Variants in FAM222B observed in about 807,000 individuals in gnomAD.
FAM222B encodes family with sequence similarity 222 member B, also known as protein FAM222B.
A neutral mutation model predicts 38.0 loss-of-function variants in FAM222B; 12 were observed. The observed-to-expected ratio is 0.32, with a 90% confidence interval of 0.20 to 0.51. FAM222B has a LOEUF of 0.51. Ranked by LOEUF, FAM222B falls within the 20% of genes least tolerant of loss-of-function variation. The pLI is 0.97. For synonymous variants in FAM222B, 329 were observed against 317.2 expected (o/e 1.04, Z -0.40); for missense variants, 716 against 754.2 (o/e 0.95, Z 0.59).
chr17:28,794,099 T>TA (rs1202232980), intron 1 of FAM222B, among the ~76,000 whole-genome samples: 19 of 152,022 alleles, frequency 1.2e-4, no homozygotes, highest in Non-Finnish European at 1.5e-5. Flanking sequence ...AGGAAACTGA[T>TA]ACACCCTTAG....
At chr17:28,824,557 G>A (rs1363054128) in intron 1 of FAM222B, among the ~76,000 whole-genome samples, 2 of 152,044 alleles carry the variant, frequency 1.3e-5, no homozygotes, top group African/African-American at 4.8e-5. Context: ...CTCCCTGGTT[G>A]CTCCAGTCAA....
At chr17:28,845,830 G>T (rs1486024702), upstream of FAM222B, among the ~76,000 whole-genome samples, 1 of 151,728 alleles carries the variant, frequency 6.6e-6, no homozygotes, top group Non-Finnish European at 1.5e-5. Flanking sequence ...GGGAGGTGGA[G>T]GTTGTAGTGA....
intron 1 of FAM222B, among the ~76,000 whole-genome samples, chr17:28,839,988 CA>C (rs757301908): frequency 2.3e-4 from 35 of 151,752 alleles, no homozygotes; most frequent in Non-Finnish European, 3.2e-4. Context: ...CATCAATTGC[CA>C]AAACGCCTTG....
chr17:28,815,653 C>A (rs964455154), intron 1 of FAM222B, among the ~76,000 whole-genome samples: 56 of 151,812 alleles, frequency 3.7e-4, no homozygotes, highest in African/African-American at 1.3e-3. Flanking sequence ...ACAGTGAAAC[C>A]CTGTCTCTAC....
At chr17:28,820,487 T>G (rs2038170567) in intron 1 of FAM222B, among the ~76,000 whole-genome samples, 1 of 152,190 alleles carries the variant, frequency 6.6e-6, no homozygotes, top group Non-Finnish European at 1.5e-5. Flanking sequence ...TCAGTGTCTT[T>G]TGTGTGTGAG....
In FAM222B at chr17:28,837,727, A is replaced by T. The variant is rs190590552; in HGVS notation, c.-41+4955T>A. The stretch of plus-strand genomic sequence containing the variant: ...GAGTGCCATGGCATGAGCTCGGCTC[A>T]TTACCACCTCCACCTCCTGGATTCA... On this transcript the variant is annotated intron_variant, in intron 1 of 2. Coordinates refer to ENST00000581407, the MANE Select transcript of FAM222B (RefSeq NM_001077498.3). Among the ~76,000 whole-genome samples the T allele has an allele frequency of 3.3e-5, 5 of 150,840 alleles. No homozygotes were observed. In the East Asian group the frequency reaches 1.0e-3, roughly 30 times the overall value.
chr17:28,839,769 C>T (rs181576028), intron 1 of FAM222B, among the ~76,000 whole-genome samples: 6 of 152,098 alleles, frequency 3.9e-5, no homozygotes, highest in Non-Finnish European at 7.4e-5. Context: ...TCTATTGGGA[C>T]GGTCAAGGAA....
chr17:28,835,668 G>C (rs866943746), intron 1 of FAM222B, among the ~76,000 whole-genome samples: 2 of 151,964 alleles, frequency 1.3e-5, no homozygotes, highest in Non-Finnish European at 2.9e-5. Context: ...ACAGTTTTTT[G>C]TTGTTGTTTT....
chr17:28,840,818 G>T (rs1347341471), intron 1 of FAM222B, among the ~76,000 whole-genome samples: 1 of 151,810 alleles, frequency 6.6e-6, no homozygotes, highest in Non-Finnish European at 1.5e-5. Flanking sequence ...AAAATTAGCC[G>T]GGTATGGTGG....
At chr17:28,840,076 C>T (rs1182830040) in intron 1 of FAM222B, among the ~76,000 whole-genome samples, 1 of 152,120 alleles carries the variant, frequency 6.6e-6, no homozygotes, top group Non-Finnish European at 1.5e-5. Flanking sequence ...TGCATCTCTA[C>T]TTTAGAAACC....
intron 1 of FAM222B, among the ~76,000 whole-genome samples, chr17:28,768,550 G>A (rs2035450268): frequency 6.6e-6 from 1 of 151,626 alleles, no homozygotes; most frequent in African/African-American, 2.4e-5. Flanking sequence ...AAAAAAAAAA[G>A]TCTTGGCCGG....
intron 1 of FAM222B, among the ~76,000 whole-genome samples, chr17:28,792,012 A>G (rs1032168638): frequency 1.3e-5 from 2 of 151,410 alleles, no homozygotes; most frequent in African/African-American, 4.8e-5. Context: ...CCATGTCTAA[A>G]AAAATTAGCC....
chr17:28,831,284 G>A (rs536931233), intron 1 of FAM222B, among the ~76,000 whole-genome samples: 13 of 151,658 alleles, frequency 8.6e-5, no homozygotes, highest in African/African-American at 2.7e-4. Flanking sequence ...ATAAGCCACC[G>A]TGCCCGGCCT....
intron 1 of FAM222B, among the ~76,000 whole-genome samples, chr17:28,793,294 A>C (rs1007061008): frequency 6.6e-6 from 1 of 151,928 alleles, no homozygotes; most frequent in Non-Finnish European, 1.5e-5. Context: ...CACATCCAGA[A>C]CCTCAAGTGT....
chr17:28,758,480 G>C lies in FAM222B; in HGVS notation c.1479C>G (p.Ala493=). 1 of 1,613,228 alleles carries C rather than the reference G, an allele frequency of 6.2e-7. No homozygotes were observed. Among genetic ancestry groups the C allele is most frequent in the Non-Finnish European group, 8.5e-7 (1 of 1,179,782 alleles). ...APLDCAAAPG[A]HYRAGTGGGP... Reference sequence around the variant, plus strand: ...CGCCCCCGGTCCCTGCTCGGTAGTGGGCCCCGGGAGCTGCCGCACAGTCGA... The same window carrying C: ...CGCCCCCGGTCCCTGCTCGGTAGTGCGCCCCGGGAGCTGCCGCACAGTCGA... Residue 493 remains alanine, a synonymous_variant, in exon 3 of 3, where the codon GCC becomes GCG. Coordinates refer to ENST00000581407, the MANE Select transcript of FAM222B (RefSeq NM_001077498.3).
chr17:28,759,836 G>C lies in FAM222B; in HGVS notation c.123C>G (p.Thr41=). 6.4e-7 allele frequency: 1 copy of C among 1,573,192 alleles called. No homozygotes were observed. The change falls in exon 3 of 3, where the codon ACC becomes ACG. Residue 41 remains threonine (T), a synonymous_variant. Transcript: ENST00000581407. This position sits in a 1 kb window ranked among gnomAD's most constrained non-coding sequence, Gnocchi z 4.8. ...TQKMRTAHYP[T]PAELDAYAKK... is the part of the protein sequence containing the mutation. ...TAGCATACGCATCCAATTCGGCTGG[G>C]GTAGGATAGTGAGCAGTTCTCATTT...
chr17:28,803,690 G>T (rs990503766), intron 1 of FAM222B, among the ~76,000 whole-genome samples: 1 of 151,994 alleles, frequency 6.6e-6, no homozygotes, highest in African/African-American at 2.4e-5. Flanking sequence ...CAACAATGAA[G>T]ACATTTCAGC....
At chr17:28,790,915 T>TTTTTTTTTTTTTTTTA (rs752443903) in intron 1 of FAM222B, among the ~76,000 whole-genome samples, 1 of 121,046 alleles carries the variant, frequency 8.3e-6, no homozygotes. Flanking sequence ...TTTTTTTTTT[T>TTTTTTTTTTTTTTTTA]AGAGACAGAA....
At chr17:28,779,921 C>G (rs2036091823) in intron 1 of FAM222B, among the ~76,000 whole-genome samples, 1 of 151,762 alleles carries the variant, frequency 6.6e-6, no homozygotes. Context: ...CAACGGTGGA[C>G]AGCTGAATGC....
Sources: gnomAD v4.1 joint callset for allele counts (sites outside exome capture counted in the v4.1 genomes callset) on GRCh38, gnomAD v4.1.1 for gene constraint, Gnocchi (gnomAD v3.1) non-coding constraint, MANE v1.5 for transcripts, NCBI Gene and HGNC (gene_info 2026-07-23, HGNC 2026-07-21) for gene names.